Variants in ZNF217 observed in about 807,000 individuals in gnomAD.
ZNF217 encodes zinc finger protein 217.
ZNF217 carries 12 observed loss-of-function variants against 73.3 expected under a neutral mutation model. The observed-to-expected ratio is 0.16, with a 90% CI of 0.10 to 0.27. ZNF217 has a LOEUF of 0.27. Among genes scored for constraint, ZNF217 ranks in the 10% least tolerant of loss-of-function variants. The pLI is 1.00. For missense variants in ZNF217, 1,195 were observed against 1,327.8 expected, an observed-to-expected ratio of 0.90 and a Z score of 1.55; for synonymous variants, 588 against 516.4, an observed-to-expected ratio of 1.14 and a Z score of -1.88.
chr20:53,575,536 A>G, intron 4 of ZNF217, 191 bp downstream of exon 4: 1 of 561,552 alleles, frequency 1.8e-6, no homozygotes, highest in Non-Finnish European at 3.1e-6. Flanking sequence ...AGTTAAACCC[A>G]CAGAGTTAAG....
At chr20:53,596,524 C>T (rs1379125135), upstream of ZNF217, among the ~76,000 whole-genome samples, 2 of 152,190 alleles carry the variant, frequency 1.3e-5, no homozygotes, top group Non-Finnish European at 2.9e-5. Flanking sequence ...AAGACACATT[C>T]TTCCCTTAGA....
At chr20:53,597,089 A>AG (rs1274393238), upstream of ZNF217, among the ~76,000 whole-genome samples, 44 of 151,622 alleles carry the variant, frequency 2.9e-4, no homozygotes, top group African/African-American at 9.4e-4. Context: ...ATAACAAAAA[A>AG]AAAAAAAGAA....
At position 53,581,964 on chromosome 20, in the gene ZNF217, G is replaced by A; in HGVS notation, c.863C>T (p.Pro288Leu). ...GAAGGTGGTGAACGGATCGAGCTGA[G>A]GGATGCATCTGACAGGCTTCTTCCC... ...ETGKKPVRCIPQLDPFTTFQA... is the reference protein window; with the variant it reads ...ETGKKPVRCILQLDPFTTFQA... The change falls in exon 2 of 6, where the codon CCT (proline) becomes CTT (leucine). Residue 288 changes from proline (P) to leucine (L), a missense_variant. Pro to Leu is a moderately conservative substitution (Grantham distance 98, BLOSUM62 -3). This residue lies in a region of ZNF217 where 126 missense variants were observed against 114.4 expected (regional missense o/e 1.10). Transcript: ENST00000371471. This position sits in a 1 kb window ranked among gnomAD's most constrained non-coding sequence, Gnocchi z 4.9. 6.2e-7 allele frequency: 1 copy of A among 1,614,198 alleles called. No homozygotes were observed. Among genetic ancestry groups the A allele is most frequent in the Non-Finnish European group, 8.5e-7 (1 of 1,180,026 alleles).
intron 5 of ZNF217, among the ~76,000 whole-genome samples, chr20:53,570,121 T>A (rs1987928856): frequency 6.6e-6 from 1 of 152,144 alleles, no homozygotes; most frequent in South Asian, 2.1e-4. Flanking sequence ...TACTGATCAG[T>A]TGTAATGGAT....
At chr20:53,592,637 G>A (rs1456703105) in intron 1 of ZNF217, among the ~76,000 whole-genome samples, 1 of 151,026 alleles carries the variant, frequency 6.6e-6, no homozygotes, top group Non-Finnish European at 1.5e-5. Flanking sequence ...GTTCCGGCGC[G>A]CGCCCCGCGT....
intron 1 of ZNF217, among the ~76,000 whole-genome samples, chr20:53,592,857 GAAAA>G (rs1206263695): frequency 7.0e-6 from 1 of 143,504 alleles, no homozygotes; most frequent in South Asian, 2.3e-4. Flanking sequence ...AAAAAGAAAA[GAAAA>G]AAAAAAGCAG....
chr20:53,580,516 T>C (rs947323989), intron 2 of ZNF217, among the ~76,000 whole-genome samples: 8 of 152,216 alleles, frequency 5.3e-5, no homozygotes, highest in African/African-American at 1.9e-4. Flanking sequence ...GGAGAAGCTC[T>C]GGCTACAGTG....
At chr20:53,592,971 G>T (rs1476600453) in intron 1 of ZNF217, among the ~76,000 whole-genome samples, 1 of 151,844 alleles carries the variant, frequency 6.6e-6, no homozygotes, top group Admixed American at 6.5e-5. Context: ...GAGTTGTAAA[G>T]ATATTCTTTA....
chr20:53,593,620 G>A (rs919973422), intron 1 of ZNF217, 136 bp downstream of exon 1: 22 of 152,036 alleles, frequency 1.4e-4, no homozygotes, highest in African/African-American at 5.3e-4. Context: ...CGGATAGAAA[G>A]CTGAGACGGG....
chr20:53,596,258 C>T (rs1298462599), upstream of ZNF217, among the ~76,000 whole-genome samples: 2 of 151,320 alleles, frequency 1.3e-5, no homozygotes, highest in South Asian at 2.1e-4. Context: ...AAAAAGAGAG[C>T]GCCTTATTAT....
intron 1 of ZNF217, among the ~76,000 whole-genome samples, chr20:53,587,425 T>C (rs1435615372): frequency 6.6e-6 from 1 of 152,180 alleles, no homozygotes; most frequent in African/African-American, 2.4e-5. Context: ...TTACTGTAAC[T>C]TGGGAATATT....
upstream of ZNF217, among the ~76,000 whole-genome samples, chr20:53,595,674 T>G (rs914488987): frequency 2.6e-5 from 4 of 152,354 alleles, no homozygotes; most frequent in African/African-American, 9.6e-5. Flanking sequence ...GGTGAATTTT[T>G]TTTCACTCAA....
Position 53,582,494 on chromosome 20 carries a change from A to C in ZNF217, c.333T>G (p.Ser111Arg), listed in dbSNP as rs1267479506. 3.1e-6 allele frequency: 5 copies of C among 1,614,084 alleles called. No homozygotes were observed. Among genetic ancestry groups the C allele is most frequent in the Admixed American group, 1.7e-5 (1 of 60,026 alleles). ...CCTTGGGAGGTTCTGTTCGCACTTG[A>C]CTTTTATCAAGCGGACTGAGATACT... ...EAEYLSPLDK[S>R]QVRTEPPKEK... Residue 111 changes from serine to arginine, a missense_variant, in exon 2 of 6, where the codon AGT becomes AGG. By Grantham distance (110) the Ser-to-Arg change is moderately radical (BLOSUM62 -1). Transcript: ENST00000371471. The surrounding 1 kb of genome is among the most constrained non-coding windows in gnomAD (Gnocchi z 4.8).
rs11468001 is a variant in ZNF217, at chr20:53,581,409, G to GAGAC, written c.1366+48_1366+51dup. The stretch of plus-strand genomic sequence containing the variant: ...ATGGGAATAGAGAGGGGGAGACGGG[G>GAGAC]AGACAGACAGACACAGGCGGAACAG... On this transcript the variant is annotated intron_variant, in intron 2 of 5. Transcript: ENST00000371471. The surrounding 1 kb of genome is among the most constrained non-coding windows in gnomAD (Gnocchi z 4.9). 6.5e-7 allele frequency: 1 copy of GAGAC among 1,538,958 alleles called. No individual in the cohort carries two copies.
In ZNF217 at chr20:53,581,174, T is replaced by A. The variant is rs116602009; in HGVS notation, c.1366+287A>T. ...CTGGATGCACAAGTTATTTTTTTTT[T>A]AAAGTGTGTTTTGTGAGCAAAACGA... On this transcript the variant is annotated intron_variant, in intron 2 of 5. Transcript: ENST00000371471. The surrounding 1 kb of genome is among the most constrained non-coding windows in gnomAD (Gnocchi z 4.9). Among the ~76,000 whole-genome samples, 1,746 of 152,246 alleles carry A rather than the reference T, an allele frequency of 0.011. 34 individuals carry two copies. Among genetic ancestry groups the A allele is most frequent in the African/African-American group, 0.039 (1,615 of 41,552 alleles).
chr20:53,569,494 T>C (rs1281245992), intron 5 of ZNF217, among the ~76,000 whole-genome samples: 1 of 152,116 alleles, frequency 6.6e-6, no homozygotes, highest in Admixed American at 6.6e-5. Context: ...GCGATTCTCC[T>C]GCCTCAGCCT....
chr20:53,571,871 C>G lies in ZNF217; in HGVS notation c.3038-18G>C. ...CCTTTTTCCTGATTGAAAAAAAAAACATATTTAGAGTTAAGGTCAAACAAT... is the reference window on the plus strand; with the variant it reads ...CCTTTTTCCTGATTGAAAAAAAAAAGATATTTAGAGTTAAGGTCAAACAAT... On this transcript the variant is annotated intron_variant, in intron 4 of 5. Transcript: ENST00000371471. 1.9e-6 allele frequency: 3 copies of G among 1,540,740 alleles called. No individual in the cohort carries two copies. The highest frequency in any genetic ancestry group is 2.6e-6 in the Non-Finnish European group (3 of 1,135,688).
intron 1 of ZNF217, among the ~76,000 whole-genome samples, chr20:53,593,005 T>TA (rs1353354304): frequency 4.0e-5 from 6 of 151,822 alleles, no homozygotes; most frequent in Admixed American, 6.6e-5. Context: ...CATTAAGACT[T>TA]AAAAAAATCT....
chr20:53,568,926 G>A lies in ZNF217; in HGVS notation c.*362C>T, dbSNP rs549260875. The A allele has an allele frequency of 1.3e-4, 9 of 68,050 alleles. No individual in the cohort carries two copies. Among genetic ancestry groups the A allele is most frequent in the Non-Finnish European group, 2.2e-4 (7 of 31,552 alleles). 4.2% of individuals were successfully genotyped at this position (68,050 alleles called of 1,614,324 possible). A position where few individuals can be genotyped will look rare whatever the true frequency, so the allele number is the denominator to read the frequency against. ...GCATTATATACTTTTCCCCCATCCC[G>A]CCCCACCCAACCCAAATGATTTCTT... On this transcript the variant is annotated 3_prime_UTR_variant, in exon 6 of 6. Coordinates refer to ENST00000371471, the MANE Select transcript of ZNF217 (RefSeq NM_006526.3).
Sources: gnomAD v4.1 joint callset for allele counts (sites outside exome capture counted in the v4.1 genomes callset) on GRCh38, gnomAD v4.1.1 for gene constraint, gnomAD v4.1.1 regional missense constraint, Gnocchi (gnomAD v3.1) non-coding constraint, MANE v1.5 for transcripts, NCBI Gene and HGNC (gene_info 2026-07-23, HGNC 2026-07-21) for gene names.